The following SEMA5A variants were observed in gnomAD, a reference collection of about 807,000 sequenced individuals.
The protein encoded by SEMA5A is semaphorin-5A.
A neutral mutation model predicts 135.5 loss-of-function variants in SEMA5A; 55 were observed. The ratio of observed to expected loss-of-function variants is 0.41; its 90% CI spans 0.33 to 0.51. The LOEUF is 0.51. Among genes scored for constraint, SEMA5A ranks in the 20% least tolerant of loss-of-function variants. The pLI is 0.37. For synonymous variants in SEMA5A, 580 were observed against 546.5 expected, an observed-to-expected ratio of 1.06 and a Z score of -0.85; for missense variants, 1,290 against 1,419.9, an observed-to-expected ratio of 0.91 and a Z score of 1.47.
chr5:9,062,889 G>C lies in SEMA5A; in HGVS notation c.2516C>G (p.Pro839Arg). 1 of 1,614,158 alleles carries C rather than the reference G, an allele frequency of 6.2e-7. No individual in the cohort carries two copies. The highest frequency in any genetic ancestry group is 8.5e-7 in the Non-Finnish European group (1 of 1,179,984). Residue 839 changes from proline (P) to arginine (R), a missense_variant and splice_region_variant, in exon 18 of 23, where the codon CCA becomes CGA. Pro to Arg is a moderately radical substitution (Grantham distance 103). Around this residue, in one of 3 missense-constraint regions of SEMA5A, gnomAD observed 1,029 missense variants for 1,086.6 expected, o/e 0.95. Coordinates refer to ENST00000382496, the MANE Select transcript of SEMA5A (RefSeq NM_003966.3). The stretch of plus-strand genomic sequence containing the variant: ...TGTAGACTACACAATCCACTTACCT[G>C]GGCAGGGCAAAATGTTGCATTCCTG... ...EYQECNILPC[P>R]VDGVWSCWSP...
chr5:9,048,791 C>A (rs1736406909), intron 21 of SEMA5A, among the ~76,000 whole-genome samples: 1 of 152,184 alleles, frequency 6.6e-6, no homozygotes, highest in Non-Finnish European at 1.5e-5. Context: ...GTATAGCACA[C>A]AATTAGTGAT....
At chr5:9,119,412 T>G (rs1185926445) in intron 14 of SEMA5A, among the ~76,000 whole-genome samples, 2 of 152,178 alleles carry the variant, frequency 1.3e-5, no homozygotes, top group African/African-American at 4.8e-5. Flanking sequence ...TATTAGAAAC[T>G]ATCAAAAAAC....
At chr5:9,393,194 T>C (rs1158607790) in intron 2 of SEMA5A, among the ~76,000 whole-genome samples, 1 of 152,186 alleles carries the variant, frequency 6.6e-6, no homozygotes, top group Non-Finnish European at 1.5e-5. Flanking sequence ...TTAAAACCTA[T>C]GTGATGGGAA....
intron 11 of SEMA5A, among the ~76,000 whole-genome samples, chr5:9,175,870 G>A (rs898505003): frequency 2.6e-5 from 4 of 152,060 alleles, no homozygotes; most frequent in African/African-American, 9.7e-5. Flanking sequence ...AGGGTTTTTG[G>A]GGGATGAGAA....
At chr5:9,269,598 T>C (rs1389429823) in intron 5 of SEMA5A, among the ~76,000 whole-genome samples, 1 of 152,114 alleles carries the variant, frequency 6.6e-6, no homozygotes, top group Admixed American at 6.5e-5. Flanking sequence ...GAAAATATTC[T>C]TGTTAACACT....
chr5:9,538,683 G>C (rs1168103843), intron 1 of SEMA5A, among the ~76,000 whole-genome samples: 1 of 152,208 alleles, frequency 6.6e-6, no homozygotes, highest in East Asian at 1.9e-4. Context: ...ATTTAATCTG[G>C]TTATGTTGTC....
At chr5:9,358,113 C>G (rs1374640985) in intron 3 of SEMA5A, among the ~76,000 whole-genome samples, 1 of 152,114 alleles carries the variant, frequency 6.6e-6, no homozygotes, top group Non-Finnish European at 1.5e-5. Flanking sequence ...TCTGTCCCCA[C>G]TGCTTTTTGT....
chr5:9,277,146 G>T (rs1260432306), intron 5 of SEMA5A, among the ~76,000 whole-genome samples: 1 of 152,082 alleles, frequency 6.6e-6, no homozygotes, highest in African/African-American at 2.4e-5. Context: ...ATCAAAAAGT[G>T]GGCAAAGGAT....
intron 5 of SEMA5A, among the ~76,000 whole-genome samples, chr5:9,244,124 T>C (rs1303251218): frequency 6.6e-6 from 1 of 152,222 alleles, no homozygotes; most frequent in Non-Finnish European, 1.5e-5. Context: ...CAGGGTATGA[T>C]ATAAGAATCT....
intron 13 of SEMA5A, among the ~76,000 whole-genome samples, chr5:9,134,157 G>C (rs914706528): frequency 6.6e-6 from 1 of 152,032 alleles, no homozygotes; most frequent in African/African-American, 2.4e-5. Flanking sequence ...ATAAATGACC[G>C]GTCTAGGTAT....
At chr5:9,182,616 A>G (rs1019814343) in intron 11 of SEMA5A, among the ~76,000 whole-genome samples, 1 of 151,808 alleles carries the variant, frequency 6.6e-6, no homozygotes, top group Non-Finnish European at 1.5e-5. Context: ...CTTCTGGCTG[A>G]GCATGCCATG....
At chr5:9,516,250 A>C (rs1736508393) in intron 1 of SEMA5A, among the ~76,000 whole-genome samples, 1 of 152,010 alleles carries the variant, frequency 6.6e-6, no homozygotes, top group African/African-American at 2.4e-5. Flanking sequence ...ACAGATACGC[A>C]AACACCACGC....
intron 8 of SEMA5A, among the ~76,000 whole-genome samples, chr5:9,210,237 C>T (rs186566704): frequency 6.6e-6 from 1 of 152,248 alleles, no homozygotes; most frequent in African/African-American, 2.4e-5. Flanking sequence ...AGTATATTGG[C>T]AAGTGTAGAA....
At chr5:9,459,409 C>T (rs969924712) in intron 1 of SEMA5A, among the ~76,000 whole-genome samples, 2 of 152,236 alleles carry the variant, frequency 1.3e-5, no homozygotes, top group Non-Finnish European at 2.9e-5. Flanking sequence ...TGGATTCAAA[C>T]AGCAATGCTG....
intron 5 of SEMA5A, among the ~76,000 whole-genome samples, chr5:9,313,069 T>C (rs1453837217): frequency 6.6e-6 from 1 of 152,096 alleles, no homozygotes; most frequent in African/African-American, 2.4e-5. Context: ...CCACCCTGGA[T>C]TTCAGGGCAA....
chr5:9,140,267 C>T (rs764229780), intron 12 of SEMA5A, among the ~76,000 whole-genome samples: 1 of 152,116 alleles, frequency 6.6e-6, no homozygotes, highest in Non-Finnish European at 1.5e-5. Flanking sequence ...GTAGAAAACA[C>T]ATAAAAATTT....
At chr5:9,478,893 T>A (rs904252852) in intron 1 of SEMA5A, among the ~76,000 whole-genome samples, 1 of 152,150 alleles carries the variant, frequency 6.6e-6, no homozygotes, top group Non-Finnish European at 1.5e-5. Flanking sequence ...GGTGGGATGA[T>A]ATGGCTTGGC....
rs1212481672 is a variant in SEMA5A at position 9,224,743 on chromosome 5, C to A, written c.577G>T (p.Ala193Ser). Reference sequence around the variant, plus strand: ...AAAATGCCTAGGCTTCGGTAAATGGCAGGATCACGTCCTGGAAAATCCATG... The same window carrying A: ...AAAATGCCTAGGCTTCGGTAAATGGAAGGATCACGTCCTGGAAAATCCATG... ...TAMDFPGRDP[A>S]IYRSLGILPP... is the part of the protein sequence containing the mutation. Residue 193 changes from alanine (A) to serine (S), a missense_variant, in exon 8 of 23, where the codon GCC becomes TCC. Ala to Ser is a moderately conservative substitution (Grantham distance 99, BLOSUM62 1). Coordinates refer to ENST00000382496, the MANE Select transcript of SEMA5A (RefSeq NM_003966.3). 2 of 1,614,004 alleles carry A rather than the reference C, an allele frequency of 1.2e-6. No individual in the cohort carries two copies. Among genetic ancestry groups the A allele is most frequent in the African/African-American group, 2.7e-5 (2 of 74,904 alleles).
intron 14 of SEMA5A, among the ~76,000 whole-genome samples, chr5:9,120,563 C>T (rs1437223653): frequency 1.3e-5 from 2 of 152,070 alleles, no homozygotes; most frequent in Non-Finnish European, 2.9e-5. Context: ...AGATAATCAG[C>T]TAGTATCTTA....
Sources: allele counts gnomAD v4.1 joint callset (sites outside exome capture counted in the v4.1 genomes callset), GRCh38; gene constraint gnomAD v4.1.1; regional missense constraint gnomAD v4.1.1; transcripts MANE v1.5; gene names NCBI Gene and HGNC (gene_info 2026-07-23, HGNC 2026-07-21).